The following F13A1 variants were observed in gnomAD, a reference collection of about 807,000 sequenced individuals.
F13A1 encodes coagulation factor XIII A chain.
A neutral mutation model predicts 80.1 loss-of-function variants in F13A1; 47 were observed. The observed-to-expected ratio is 0.59, with a 90% confidence interval of 0.46 to 0.75. The LOEUF is 0.75. Ranked by LOEUF, F13A1 falls within the 30% of genes least tolerant of loss-of-function variation. The probability of loss-of-function intolerance (pLI) is 0.00; values close to 1 mark genes in which losing one functional copy is unlikely to be tolerated. For missense variants in F13A1, 817 were observed against 930.4 expected (o/e 0.88, Z 1.59); for synonymous variants, 349 against 344.9 (o/e 1.01, Z -0.13).
At chr6:6,306,598 G>T (rs1431587353) in intron 2 of F13A1, among the ~76,000 whole-genome samples, 1 of 152,202 alleles carries the variant, frequency 6.6e-6, no homozygotes, top group Non-Finnish European at 1.5e-5. Flanking sequence ...TACTTTAGAA[G>T]ATCTAGTCTA....
At chr6:6,152,100 C>T in intron 13 of F13A1, 151 bp from the exon 14 acceptor site, 2 of 868,042 alleles carry the variant, frequency 2.3e-6, no homozygotes, top group South Asian at 3.0e-5. Context: ...ATTGCTTTGA[C>T]TGGAGGATAC....
chr6:6,151,729 G>T, intron 14 of F13A1, 84 bp downstream of exon 14: 1 of 1,573,664 alleles, frequency 6.4e-7, no homozygotes, highest in Non-Finnish European at 8.7e-7. Flanking sequence ...CTGGGGAGCA[G>T]ATCTATGTTT....
chr6:6,185,658 T>C (rs1369174812), intron 10 of F13A1, among the ~76,000 whole-genome samples: 1 of 151,880 alleles, frequency 6.6e-6, no homozygotes, highest in Non-Finnish European at 1.5e-5. Context: ...TCTTTGCTAT[T>C]GTGAATAATG....
Position 6,299,082 on chromosome 6 carries a change from T to C in F13A1, c.319+6269A>G, listed in dbSNP as rs1399535332. 2.6e-4 allele frequency among the ~76,000 whole-genome samples: 38 copies of C among 145,130 alleles called. No individual in the cohort carries two copies. The East Asian group carries it at 7.5e-3, about 28-fold the overall frequency. ...AAGAATGTTGAATATTGGCCCCCACTCTCTTCTGGCTTGTAGGGTTTCTGC... is the reference window on the plus strand; with the variant it reads ...AAGAATGTTGAATATTGGCCCCCACCCTCTTCTGGCTTGTAGGGTTTCTGC... On this transcript the variant is annotated intron_variant, in intron 3 of 14. Coordinates refer to ENST00000264870, the MANE Select transcript of F13A1 (RefSeq NM_000129.4).
intron 8 of F13A1, among the ~76,000 whole-genome samples, chr6:6,211,234 T>A (rs1761602818): frequency 6.6e-6 from 1 of 152,262 alleles, no homozygotes; most frequent in Non-Finnish European, 1.5e-5. Context: ...AGTATTTTTG[T>A]GAACATGAGC....
chr6:6,231,042 T>C (rs1419620813), intron 6 of F13A1, among the ~76,000 whole-genome samples: 1 of 152,018 alleles, frequency 6.6e-6, no homozygotes, highest in African/African-American at 2.4e-5. Context: ...AAAATCACAC[T>C]AGTTCACCAG....
At chr6:6,197,962 A>G (rs3024429) in intron 8 of F13A1, among the ~76,000 whole-genome samples, 12,583 of 152,244 alleles carry the variant, frequency 0.083, 902 homozygotes, top group East Asian at 0.44. Context: ...CTTACTAGGT[A>G]CCGACAGGGT....
At chr6:6,303,606 C>T (rs924814854) in intron 3 of F13A1, among the ~76,000 whole-genome samples, 1 of 152,134 alleles carries the variant, frequency 6.6e-6, no homozygotes, top group African/African-American at 2.4e-5. Flanking sequence ...TAACTATAGT[C>T]ACCATGCTGT....
chr6:6,295,216 T>G (rs1312373404), intron 3 of F13A1, among the ~76,000 whole-genome samples: 1 of 146,898 alleles, frequency 6.8e-6, no homozygotes, highest in Admixed American at 6.7e-5. Context: ...CGTGTGCATG[T>G]GTCTTTATAG....
intron 7 of F13A1, among the ~76,000 whole-genome samples, chr6:6,222,577 G>C (rs1368018768): frequency 2.6e-5 from 4 of 152,194 alleles, no homozygotes; most frequent in African/African-American, 9.7e-5. Flanking sequence ...GGAATTTGCT[G>C]TCTTGGCCAG....
At chr6:6,207,464 G>T (rs1761516815) in intron 8 of F13A1, among the ~76,000 whole-genome samples, 1 of 152,138 alleles carries the variant, frequency 6.6e-6, no homozygotes, top group Non-Finnish European at 1.5e-5. Flanking sequence ...GACTAAAAAA[G>T]GGCTATCCAA....
intron 3 of F13A1, among the ~76,000 whole-genome samples, chr6:6,285,695 A>C (rs1364461417): frequency 6.6e-6 from 1 of 152,230 alleles, no homozygotes; most frequent in African/African-American, 2.4e-5. Flanking sequence ...CACTACGCAC[A>C]CACCAGGAAT....
intron 6 of F13A1, among the ~76,000 whole-genome samples, chr6:6,231,326 A>G (rs1374030303): frequency 6.6e-6 from 1 of 152,186 alleles, no homozygotes; most frequent in Non-Finnish European, 1.5e-5. Flanking sequence ...GAAGAAAAAA[A>G]TTCAGAGCTC....
intron 10 of F13A1, among the ~76,000 whole-genome samples, chr6:6,194,302 C>A (rs564123607): frequency 2.6e-5 from 4 of 152,350 alleles, no homozygotes; most frequent in African/African-American, 9.6e-5. Flanking sequence ...TCAGCCTCCA[C>A]CTTCCAACAC....
intron 3 of F13A1, among the ~76,000 whole-genome samples, chr6:6,303,107 CAT>C (rs1186390308): frequency 1.3e-5 from 2 of 152,174 alleles, no homozygotes; most frequent in Non-Finnish European, 2.9e-5. Context: ...AACCAACAAT[CAT>C]ATTAACTCAT....
chr6:6,225,389 T>C (rs1282170144), intron 6 of F13A1, among the ~76,000 whole-genome samples: 1 of 152,230 alleles, frequency 6.6e-6, no homozygotes, highest in Non-Finnish European at 1.5e-5. Flanking sequence ...TAGACTCTAA[T>C]GAATTGAAAA....
Position 6,145,530 on chromosome 6 carries a change from T to C in F13A1, c.*89A>G, listed in dbSNP as rs3024462. 13,117 of 1,568,848 alleles carry C rather than the reference T, an allele frequency of 8.4e-3. 953 individuals are homozygous for C. In the African/African-American group the frequency reaches 0.15, roughly 18 times the overall value. ...TCCTGTCTGGGTCTTCACACCTAAG[T>C]CAAAGCAAGAGCTATTTTTGCGTTA... On this transcript the variant is annotated 3_prime_UTR_variant, in exon 15 of 15. Transcript: ENST00000264870.
Position 6,220,579 on chromosome 6 carries a change from G to C in F13A1, c.1112+1454C>G, listed in dbSNP as rs146930269. ...TCTGTGTGTCTGTCTGTGTGTGTGT[G>C]TGTGTGTCTGTGTGTTTTTAAGGAA... On this transcript the variant is annotated intron_variant, in intron 8 of 14. Transcript: ENST00000264870. 5.2e-4 allele frequency among the ~76,000 whole-genome samples: 79 copies of C among 152,064 alleles called. No homozygotes were observed. In the South Asian group the frequency reaches 6.5e-3, roughly 12 times the overall value.
chr6:6,157,535 G>A (rs528080900), intron 13 of F13A1, among the ~76,000 whole-genome samples: 15 of 152,256 alleles, frequency 9.9e-5, no homozygotes, highest in African/African-American at 2.9e-4. Context: ...AGTTGAGGAC[G>A]AGGATTATAA....
Sources: allele counts gnomAD v4.1 joint callset (sites outside exome capture counted in the v4.1 genomes callset), GRCh38; gene constraint gnomAD v4.1.1; transcripts MANE v1.5; gene names NCBI Gene and HGNC (gene_info 2026-07-23, HGNC 2026-07-21).